Variants in SPTBN5 observed in about 807,000 individuals in gnomAD.
The protein encoded by SPTBN5 is spectrin beta, non-erythrocytic 5, also known as spectrin beta chain, non-erythrocytic 5.
Under a neutral mutation model 477.6 loss-of-function variants are expected in SPTBN5, and 513 were observed. That is an observed-to-expected ratio of 1.07 (90% CI 1.00 to 1.16). SPTBN5 has a LOEUF of 1.16. SPTBN5 is among the 50% of genes most tolerant of loss of function. SPTBN5 has a pLI of 0.00. For synonymous variants in SPTBN5, 2,169 were observed against 2,011.7 expected (o/e 1.08, Z -2.09); for missense variants, 5,062 against 4,731.8 (o/e 1.07, Z -2.05).
In SPTBN5 at chr15:41,853,701, C is replaced by T; in HGVS notation, c.9861G>A (p.Gly3287=). ...RLGQLHPAAP[G]GLAKVQEAWA... ...AGGCCTCCTGCACCTTGGCCAGGCC[C>T]CCCGGAGCTGCAGGATGTAGCTGGC... The change falls in exon 58 of 68, where the codon GGG becomes GGA. Residue 3287 remains glycine, a synonymous_variant. Coordinates refer to ENST00000320955, the MANE Select transcript of SPTBN5 (RefSeq NM_016642.4). 3 of 1,598,138 alleles carry T rather than the reference C, an allele frequency of 1.9e-6. No individual in the cohort carries two copies. The highest frequency in any genetic ancestry group is 2.6e-6 in the Non-Finnish European group (3 of 1,173,774).
At chr15:41,857,152 A>G in intron 51 of SPTBN5, 86 bp downstream of exon 51, 1 of 1,517,428 alleles carries the variant, frequency 6.6e-7, no homozygotes, top group Non-Finnish European at 8.9e-7. Flanking sequence ...AAGGGGAGAA[A>G]GTGAGAAGAC....
chr15:41,877,910 C>T (rs745370744), intron 17 of SPTBN5, among the ~76,000 whole-genome samples: 9 of 152,184 alleles, frequency 5.9e-5, no homozygotes, highest in Non-Finnish European at 1.3e-4. Context: ...ATAACGTCAT[C>T]CCTGCAGGAG....
rs2066212943 is a variant in SPTBN5, at chr15:41,864,021, T to C, written c.6922A>G (p.Thr2308Ala). The change falls in exon 40 of 68, where the codon ACA becomes GCA. Residue 2308 changes from threonine to alanine, a missense_variant. Thr to Ala is a moderately conservative substitution (Grantham distance 58). Coordinates refer to ENST00000320955, the MANE Select transcript of SPTBN5 (RefSeq NM_016642.4). ...CTCCTGATGCAGGCATCACCCACTG[T>C]GTCCTGCAGGGGAGGTATGGGTGAG... ...REFRGNSAGD[T>A]VGDACIRSIS... 6.2e-7 allele frequency: 1 copy of C among 1,611,778 alleles called. No homozygotes were observed. The highest frequency in any genetic ancestry group is 8.5e-7 in the Non-Finnish European group (1 of 1,178,944).
At chr15:41,877,398 C>A (rs1300059855) in intron 17 of SPTBN5, 42 bp from the exon 18 acceptor site, 1 of 1,581,214 alleles carries the variant, frequency 6.3e-7, no homozygotes, top group East Asian at 2.3e-5. Context: ...CCAGCAGGCT[C>A]CCTCGTCAGC....
intron 25 of SPTBN5, 108 bp from the exon 26 acceptor site, chr15:41,873,716 T>C (rs2066618634): frequency 2.0e-6 from 3 of 1,466,526 alleles, no homozygotes; most frequent in Middle Eastern, 1.7e-4. Flanking sequence ...TCTGTGCCCA[T>C]AGGGGCACCC....
In SPTBN5 at chr15:41,871,457, C is replaced by T. The variant is rs762624251; in HGVS notation, c.5365G>A (p.Ala1789Thr). The T allele has an allele frequency of 4.2e-5, 64 of 1,538,882 alleles. No homozygotes were observed. The highest frequency in any genetic ancestry group is 3.7e-4 in the East Asian group (15 of 40,204). ...AGGCTCTCCGCCAGCAGCCGGCAGG[C>T]GGCCACCCGCTGGCTGCCCATCTCC... ...QVEMGSQRVA[A>T]CRLLAESLLE... The change falls in exon 29 of 68, where the codon GCC (alanine) becomes ACC (threonine). Residue 1789 changes from alanine (A) to threonine (T), a missense_variant. Transcript: ENST00000320955.
chr15:41,884,269 A>G (rs2067079415), intron 7 of SPTBN5, among the ~76,000 whole-genome samples: 1 of 152,008 alleles, frequency 6.6e-6, no homozygotes, highest in Non-Finnish European at 1.5e-5. Flanking sequence ...TACAGGCATG[A>G]GCCACTGCGC....
chr15:41,876,532 G>A lies in SPTBN5; in HGVS notation c.3951+16C>T, dbSNP rs1194382531. 1 of 1,576,616 alleles carries A rather than the reference G, an allele frequency of 6.3e-7. No individual in the cohort carries two copies. Among genetic ancestry groups the A allele is most frequent in the African/African-American group, 1.4e-5 (1 of 74,032 alleles). On this transcript the variant is annotated intron_variant, in intron 20 of 67. Transcript: ENST00000320955. ...TTTTCAGGGAGGCGTCATGCGACCT[G>A]GGCCCAGACCCTCACCTGGAGCTGG...
rs761171922 is a variant in SPTBN5 at position 41,878,584 on chromosome 15, C to T, written c.3228G>A (p.Gln1076=). Residue 1076 remains glutamine (Q), a synonymous_variant, in exon 17 of 68, where the codon CAG becomes CAA. Coordinates refer to ENST00000320955, the MANE Select transcript of SPTBN5 (RefSeq NM_016642.4). Reference sequence around the variant, plus strand: ...TCAGCAGCCCCTGCAGTGTCTCCACCTGTCCTTGCAGAGGCTGGCTCTCTG... The same window carrying T: ...TCAGCAGCCCCTGCAGTGTCTCCACTTGTCCTTGCAGAGGCTGGCTCTCTG... ...GYAESQPLQG[Q]VETLQGLLKQ... 2.5e-6 allele frequency: 4 copies of T among 1,612,816 alleles called. No individual in the cohort carries two copies. Among genetic ancestry groups the T allele is most frequent in the Non-Finnish European group, 3.4e-6 (4 of 1,179,760 alleles).
At position 41,893,249 on chromosome 15, in the gene SPTBN5, G is replaced by C. The variant is rs897112869; in HGVS notation, c.216+33C>G. The stretch of plus-strand genomic sequence containing the variant: ...TGGCCAGAGCTGGGGGCCTGGTATG[G>C]GTGGGCTGTGGGTCACAGCTGGCTA... On this transcript the variant is annotated intron_variant, in intron 2 of 67. Coordinates refer to ENST00000320955, the MANE Select transcript of SPTBN5 (RefSeq NM_016642.4). 9 of 1,613,074 alleles carry C rather than the reference G, an allele frequency of 5.6e-6. No individual in the cohort carries two copies. The Middle Eastern group carries it at 1.5e-3, about 268-fold the overall frequency.
At chr15:41,850,287 G>C in intron 66 of SPTBN5, 1 of 349,458 alleles carries the variant, frequency 2.9e-6, no homozygotes, top group Admixed American at 4.0e-5. Context: ...GAGTCCAGGG[G>C]AACCAGCGAC....
chr15:41,887,515 C>T (rs184702059), intron 5 of SPTBN5, 74 bp from the exon 6 acceptor site: 8 of 1,163,748 alleles, frequency 6.9e-6, no homozygotes, highest in East Asian at 2.6e-5. Flanking sequence ...CTTAAATGCA[C>T]TCATGCTCCT....
chr15:41,874,488 G>A lies in SPTBN5; in HGVS notation c.4503-10C>T, dbSNP rs747443406. The A allele has an allele frequency of 3.8e-6, 6 of 1,595,700 alleles. No individual in the cohort carries two copies. The South Asian group carries it at 4.5e-5, about 12-fold the overall frequency. ...CTGCAGAAGCTCCAGCCTAGGAGGA[G>A]GAGGAAGAGATTGGAGAGGTTGGGA... On this transcript the variant is annotated splice_polypyrimidine_tract_variant and intron_variant, in intron 23 of 67. Transcript: ENST00000320955.
chr15:41,869,021 A>G (rs1470469402), intron 32 of SPTBN5, among the ~76,000 whole-genome samples: 1 of 152,230 alleles, frequency 6.6e-6, no homozygotes, highest in Non-Finnish European at 1.5e-5. Context: ...GGTATTTGAC[A>G]TTGCACTGCT....
chr15:41,849,820 A>C, intron 67 of SPTBN5, 49 bp downstream of exon 67: 1 of 1,430,392 alleles, frequency 7.0e-7, no homozygotes, highest in Non-Finnish European at 9.6e-7. Flanking sequence ...CCTGCCAGCC[A>C]CTGAAGCCCA....
Position 41,853,016 on chromosome 15 carries a change from T to C in SPTBN5, c.10171-16A>G, listed in dbSNP as rs1250059032. ...ACTCTGTCACCTGGTGGGGAGGGGC[T>C]GCTATGGGTGACAGCTTGGGTAGGG... On this transcript the variant is annotated splice_polypyrimidine_tract_variant and intron_variant, in intron 59 of 67. Transcript: ENST00000320955. The C allele has an allele frequency of 6.7e-7, 1 of 1,500,264 alleles. No individual in the cohort carries two copies. The highest frequency in any genetic ancestry group is 1.4e-5 in the African/African-American group (1 of 71,726). 92.9% of individuals were successfully genotyped at this position (1,500,264 alleles called of 1,614,324 possible). A position where few individuals can be genotyped will look rare whatever the true frequency, so the allele number is the denominator to read the frequency against.
rs2066887352 is a variant in SPTBN5 at position 41,879,875 on chromosome 15, G to A, written c.2812-11C>T. 6.2e-7 allele frequency: 1 copy of A among 1,613,802 alleles called. No individual in the cohort carries two copies. On this transcript the variant is annotated splice_polypyrimidine_tract_variant and intron_variant, in intron 14 of 67. Transcript: ENST00000320955. ...GGCAGTGAGGAAGTTCTAGGGAAAAGGAGGACCCAGCCCTCTTGGGGGACT... is the reference window on the plus strand; with the variant it reads ...GGCAGTGAGGAAGTTCTAGGGAAAAAGAGGACCCAGCCCTCTTGGGGGACT...
Position 41,862,812 on chromosome 15 carries a change from T to A in SPTBN5, c.7241A>T (p.His2414Leu). The A allele has an allele frequency of 6.3e-7, 1 of 1,579,284 alleles. No homozygotes were observed. Among genetic ancestry groups the A allele is most frequent in the African/African-American group, 1.3e-5 (1 of 74,150 alleles). The change falls in exon 42 of 68, where the codon CAC becomes CTC. Residue 2414 changes from histidine to leucine, a missense_variant. Physicochemically the swap from His to Leu is moderately conservative, Grantham distance 99. Transcript: ENST00000320955. ...CACCTCCACCTGGGCCTGGATGGGG[T>A]GCACTTCCCGCTCCAGCTCCTCGTG... The part of the protein sequence containing the change: ...RKHEELEREV[H>L]PIQAQVESLE...
At chr15:41,850,972 G>T in intron 65 of SPTBN5, 33 bp from the exon 66 acceptor site, 1 of 1,591,236 alleles carries the variant, frequency 6.3e-7, no homozygotes, top group Non-Finnish European at 8.6e-7. Context: ...AAACTCCACT[G>T]TCCCTTTGGG....
Sources: allele counts gnomAD v4.1 joint callset (sites outside exome capture counted in the v4.1 genomes callset), GRCh38; gene constraint gnomAD v4.1.1; transcripts MANE v1.5; gene names NCBI Gene and HGNC (gene_info 2026-07-23, HGNC 2026-07-21).